SGIP1: variants seen among roughly 807,000 people sequenced by gnomAD.
SGIP1 encodes SH3-containing GRB2-like protein 3-interacting protein 1.
Under a neutral mutation model 107.5 loss-of-function variants are expected in SGIP1, and 38 were observed. The ratio of observed to expected loss-of-function variants is 0.35; its 90% CI spans 0.27 to 0.46. The LOEUF (loss-of-function observed/expected upper bound fraction) is 0.46. Ranked by LOEUF, SGIP1 falls within the 20% of genes least tolerant of loss-of-function variation. The pLI, the probability that SGIP1 is intolerant of heterozygous loss-of-function variation, is 1.00. For missense variants in SGIP1, 929 were observed against 1,019.5 expected (o/e 0.91, Z 1.21); for synonymous variants, 365 against 366.1 (o/e 1.00, Z 0.03).
intron 7 of SGIP1, among the ~76,000 whole-genome samples, chr1:66,647,219 G>A (rs751135710): frequency 2.0e-5 from 3 of 152,168 alleles, no homozygotes; most frequent in Admixed American, 1.3e-4. Context: ...ATTGCTTCTC[G>A]TTTCCTAGAG....
intron 1 of SGIP1, among the ~76,000 whole-genome samples, chr1:66,614,971 C>T (rs889297935): frequency 1.3e-5 from 2 of 151,790 alleles, no homozygotes; most frequent in African/African-American, 4.8e-5. Flanking sequence ...AGGCATGTGC[C>T]ACCACGCCCG....
chr1:66,628,102 A>C (rs1470574784), intron 2 of SGIP1, among the ~76,000 whole-genome samples: 2 of 152,150 alleles, frequency 1.3e-5, no homozygotes. Flanking sequence ...GCTGCATAGT[A>C]TTCCATGGTG....
chr1:66,660,500 C>T lies in SGIP1; in HGVS notation c.460-13C>T, dbSNP rs773771130. 3.1e-6 allele frequency: 5 copies of T among 1,609,062 alleles called. No homozygotes were observed. The highest frequency in any genetic ancestry group is 3.4e-6 in the Non-Finnish European group (4 of 1,175,624). ...TTTCTCTTTATTCTTCCTCCCCATG[C>T]CTACGCTTTTAGAGGAAAAGTCCGG... On this transcript the variant is annotated splice_polypyrimidine_tract_variant and intron_variant, in intron 7 of 24. Coordinates refer to ENST00000371037, the MANE Select transcript of SGIP1 (RefSeq NM_032291.4).
intron 18 of SGIP1, among the ~76,000 whole-genome samples, chr1:66,715,014 A>G (rs1384435528): frequency 6.6e-6 from 1 of 152,124 alleles, no homozygotes; most frequent in Non-Finnish European, 1.5e-5. Flanking sequence ...ATTGAGTATA[A>G]TCTTTATGCA....
chr1:66,731,722 A>G (rs768587575), intron 20 of SGIP1, among the ~76,000 whole-genome samples: 3 of 152,156 alleles, frequency 2.0e-5, no homozygotes, highest in African/African-American at 7.2e-5. Flanking sequence ...TTGTTGACCA[A>G]GCATGATTCT....
At chr1:66,568,378 C>T (rs531406582) in intron 1 of SGIP1, among the ~76,000 whole-genome samples, 3 of 136,702 alleles carry the variant, frequency 2.2e-5, no homozygotes, top group Non-Finnish European at 3.2e-5. Context: ...TGCTTACCAG[C>T]TTAAGGAGTT....
At chr1:66,643,466 C>CA (rs2077130307) in intron 6 of SGIP1, 78 bp from the exon 7 acceptor site, 1 of 1,216,536 alleles carries the variant, frequency 8.2e-7, no homozygotes, top group Non-Finnish European at 1.2e-6. Flanking sequence ...TTTGCTGTCT[C>CA]TATATGCAAT....
At chr1:66,692,724 A>G (rs2090137864) in intron 17 of SGIP1, among the ~76,000 whole-genome samples, 1 of 152,216 alleles carries the variant, frequency 6.6e-6, no homozygotes, top group Non-Finnish European at 1.5e-5. Flanking sequence ...GACATTTCCT[A>G]TGGTACTTGA....
At position 66,558,985 on chromosome 1, in the gene SGIP1, T is replaced by G. The variant is rs114547532; in HGVS notation, c.10+24617T>G. ...GGCTAGCAGGTGTAAATAACTTCCATGCCCTTTATTTCATCTGGGGATGAG... is the reference window on the plus strand; with the variant it reads ...GGCTAGCAGGTGTAAATAACTTCCAGGCCCTTTATTTCATCTGGGGATGAG... On this transcript the variant is annotated intron_variant, in intron 1 of 24. Transcript: ENST00000371037. Among the ~76,000 whole-genome samples, 347 of 152,088 alleles carry G rather than the reference T, an allele frequency of 2.3e-3. 1 individual carries two copies. Among genetic ancestry groups the G allele is most frequent in the African/African-American group, 8.2e-3 (342 of 41,526 alleles).
At chr1:66,610,545 GC>G (rs2067768009) in intron 1 of SGIP1, among the ~76,000 whole-genome samples, 1 of 152,078 alleles carries the variant, frequency 6.6e-6, no homozygotes, top group East Asian at 1.9e-4. Context: ...TCTTATCATT[GC>G]CCCTTTCTAA....
intron 1 of SGIP1, among the ~76,000 whole-genome samples, chr1:66,613,579 C>T (rs568883992): frequency 2.0e-5 from 3 of 152,300 alleles, no homozygotes; most frequent in East Asian, 3.9e-4. Flanking sequence ...ATGTGCCCAC[C>T]TCAGTCTCCC....
chr1:66,632,896 C>T (rs2075068157), intron 2 of SGIP1, among the ~76,000 whole-genome samples, 174 bp from the exon 3 acceptor site: 1 of 152,192 alleles, frequency 6.6e-6, no homozygotes, highest in Non-Finnish European at 1.5e-5. Context: ...ATACCCCACA[C>T]TTAAATACCA....
chr1:66,733,722 A>T (rs549079334), intron 20 of SGIP1, 26 bp from the exon 21 acceptor site: 1 of 1,604,920 alleles, frequency 6.2e-7, no homozygotes, highest in African/African-American at 1.3e-5. Flanking sequence ...GATGCTACTC[A>T]ATCATTTTTC....
At chr1:66,579,240 C>T (rs1461809044) in intron 1 of SGIP1, among the ~76,000 whole-genome samples, 1 of 152,076 alleles carries the variant, frequency 6.6e-6, no homozygotes, top group East Asian at 1.9e-4. Context: ...ACCCAACATG[C>T]TGTTTCCCGA....
At chr1:66,640,522 G>A (rs1251901682) in intron 5 of SGIP1, among the ~76,000 whole-genome samples, 1 of 152,128 alleles carries the variant, frequency 6.6e-6, no homozygotes, top group Admixed American at 6.6e-5. Context: ...ATTGCAGGCA[G>A]GGGGAACAGA....
chr1:66,664,627 C>T (rs1387741869), intron 8 of SGIP1, among the ~76,000 whole-genome samples: 1 of 152,182 alleles, frequency 6.6e-6, no homozygotes, highest in Non-Finnish European at 1.5e-5. Flanking sequence ...TCCTGGAGGC[C>T]TACCAGATGT....
chr1:66,630,746 C>T (rs1241646017), intron 2 of SGIP1, among the ~76,000 whole-genome samples: 1 of 145,280 alleles, frequency 6.9e-6, no homozygotes, highest in East Asian at 2.0e-4. Flanking sequence ...GCAGAGATTG[C>T]AGTGAGCTGA....
At chr1:66,713,132 T>A (rs1488926372) in intron 18 of SGIP1, among the ~76,000 whole-genome samples, 1 of 152,158 alleles carries the variant, frequency 6.6e-6, no homozygotes, top group African/African-American at 2.4e-5. Flanking sequence ...TTTGATTGTT[T>A]ACTTGCCAGG....
At chr1:66,669,336 T>A (rs2083269615) in intron 9 of SGIP1, among the ~76,000 whole-genome samples, 1 of 152,230 alleles carries the variant, frequency 6.6e-6, no homozygotes, top group African/African-American at 2.4e-5. Context: ...ATATTAACAT[T>A]TGAAGGAGTA....
Sources: allele counts gnomAD v4.1 joint callset (sites outside exome capture counted in the v4.1 genomes callset), GRCh38; gene constraint gnomAD v4.1.1; transcripts MANE v1.5; gene names NCBI Gene and HGNC (gene_info 2026-07-23, HGNC 2026-07-21).